MAPT: variants seen among roughly 807,000 people sequenced by gnomAD.
MAPT encodes the protein microtubule-associated protein tau.
A neutral mutation model predicts 67.9 loss-of-function variants in MAPT; 34 were observed. That is an observed-to-expected ratio of 0.50 (90% CI 0.38 to 0.67). MAPT has a LOEUF of 0.67. MAPT is among the 30% of genes least tolerant of loss of function. The pLI, the probability that MAPT is intolerant of heterozygous loss-of-function variation, is 0.00. For missense variants in MAPT, 881 were observed against 1,115.2 expected (o/e 0.79, Z 2.99); for synonymous variants, 456 against 464.5 (o/e 0.98, Z 0.23).
intron 1 of MAPT, among the ~76,000 whole-genome samples, chr17:45,928,425 T>G (rs1403407255): frequency 2.0e-5 from 3 of 152,102 alleles, no homozygotes; most frequent in Non-Finnish European, 4.4e-5. Context: ...CCATCTACAC[T>G]CCTATGACTT....
chr17:45,991,067 G>A (rs2074019509), intron 7 of MAPT, among the ~76,000 whole-genome samples: 1 of 152,216 alleles, frequency 6.6e-6, no homozygotes, highest in Non-Finnish European at 1.5e-5. Context: ...ACCACCATCA[G>A]CCAAATAAAT....
chr17:45,941,704 TG>T (rs1568208093), intron 1 of MAPT, among the ~76,000 whole-genome samples: 1,111 of 62,974 alleles, frequency 0.018, 109 homozygotes, highest in South Asian at 0.058. Context: ...CCTTCCTGCC[TG>T]CCTTCCTTCC....
At chr17:45,966,133 C>G (rs1468181131) in intron 2 of MAPT, among the ~76,000 whole-genome samples, 1 of 152,184 alleles carries the variant, frequency 6.6e-6, no homozygotes, top group Non-Finnish European at 1.5e-5. Flanking sequence ...GGCAGCCTGG[C>G]TTAGAGTCAG....
rs2145306634 is a variant in MAPT, at chr17:45,962,314, T to TC, written c.-17-3dup. ...TCAGAACTTATCCTCTCCTCTTCTT[T>TC]CCCCAGGTGAACTTTGAACCAGGAT... is the stretch of plus-strand genomic sequence containing the variant. On this transcript the variant is annotated splice_region_variant and splice_polypyrimidine_tract_variant and intron_variant, in intron 1 of 12. Transcript: ENST00000262410. The TC allele has an allele frequency of 6.2e-7, 1 of 1,611,118 alleles. No homozygotes were observed. The highest frequency in any genetic ancestry group is 8.5e-7 in the Non-Finnish European group (1 of 1,179,394).
At chr17:45,970,083 C>CCCATCCATCCAT (rs137876410) in intron 2 of MAPT, among the ~76,000 whole-genome samples, 2 of 144,994 alleles carry the variant, frequency 1.4e-5, no homozygotes, top group African/African-American at 5.1e-5. Flanking sequence ...CATCTATCCA[C>CCCATCCATCCAT]CCATCCATCC....
At position 46,024,798 on chromosome 17, in the gene MAPT, C is replaced by T. The variant is rs1370155902; in HGVS notation, c.*627C>T. ...CCACGTGCTGGAGAGTAGACATCCC[C>T]CTCCTTGCCGCTGGGAGAGCCAAGG... is the stretch of plus-strand genomic sequence containing the variant. On this transcript the variant is annotated 3_prime_UTR_variant, in exon 13 of 13. Transcript: ENST00000262410. 1 of 167,694 alleles carries T rather than the reference C, an allele frequency of 6.0e-6. No individual in the cohort carries two copies. Among genetic ancestry groups the T allele is most frequent in the Non-Finnish European group, 1.3e-5 (1 of 76,490 alleles). The allele number at this position is 167,694 out of a possible 1,614,324, so 10.4% of individuals were successfully genotyped here.
Position 45,996,328 on chromosome 17 carries a change from A to C in MAPT, c.1733-71A>C. On this transcript the variant is annotated intron_variant, in intron 8 of 12. Coordinates refer to ENST00000262410, the MANE Select transcript of MAPT (RefSeq NM_001377265.1). The surrounding 1 kb of genome is among the most constrained non-coding windows in gnomAD (Gnocchi z 4.5). ...GAGCCTGGGAATGGACCCACGGGACAGGCAGCCCCCAGGGCCTTTTCTGAC... is the reference window on the plus strand; with the variant it reads ...GAGCCTGGGAATGGACCCACGGGACCGGCAGCCCCCAGGGCCTTTTCTGAC... The C allele has an allele frequency of 6.4e-7, 1 of 1,552,172 alleles. No individual in the cohort carries two copies. Among genetic ancestry groups the C allele is most frequent in the Non-Finnish European group, 8.8e-7 (1 of 1,135,658 alleles).
rs2073117905 is a variant in MAPT at position 45,982,913 on chromosome 17, C to T, written c.334C>T (p.Leu112=). The T allele has an allele frequency of 1.5e-6, 2 of 1,357,030 alleles. No individual in the cohort carries two copies. The highest frequency in any genetic ancestry group is 1.9e-6 in the Non-Finnish European group (2 of 1,056,182). The allele number at this position is 1,357,030 out of a possible 1,614,324, so 84.1% of individuals were successfully genotyped here. Reference sequence around the variant, plus strand: ...GCAGAGGAAGGCGCCTGAAAGGCCCCTGGCCAATGAGATTAGCGCCCACGT... The same window carrying T: ...GCAGAGGAAGGCGCCTGAAAGGCCCTTGGCCAATGAGATTAGCGCCCACGT... ...GRQRKAPERP[L]ANEISAHVQP... The change falls in exon 5 of 13, where the codon CTG becomes TTG. Residue 112 remains leucine, a synonymous_variant. Transcript: ENST00000262410.
chr17:46,014,357 AG>A, intron 11 of MAPT, 33 bp downstream of exon 11: 1 of 1,243,260 alleles, frequency 8.0e-7, no homozygotes, highest in Non-Finnish European at 1.2e-6. Flanking sequence ...TTGGGACGGG[AG>A]GGTGCAGGGG....
intron 9 of MAPT, among the ~76,000 whole-genome samples, chr17:46,000,043 C>T (rs1187995131): frequency 6.6e-6 from 1 of 152,176 alleles, no homozygotes; most frequent in Non-Finnish European, 1.5e-5. Context: ...ACCTTTGGGT[C>T]CCTGTGGCCT....
chr17:45,903,541 C>A (rs1452180367), intron 1 of MAPT, among the ~76,000 whole-genome samples: 1 of 150,534 alleles, frequency 6.6e-6, no homozygotes, highest in East Asian at 2.0e-4. Context: ...TTGTGAAACC[C>A]CGTCTCTACT....
rs57223421 is a variant in MAPT, at chr17:45,956,548, TTATATATATATATATATA to T, written c.-17-5737_-17-5720del. Among the ~76,000 whole-genome samples the T allele has an allele frequency of 3.2e-3, 302 of 95,248 alleles. 3 individuals are homozygous for T. The highest frequency in any genetic ancestry group is 0.011 in the African/African-American group (284 of 25,416). The allele number at this position is 95,248 out of a possible 152,430, so 62.5% of individuals were successfully genotyped here. A position where few individuals can be genotyped will look rare whatever the true frequency, so the allele number is the denominator to read the frequency against. On this transcript the variant is annotated intron_variant, in intron 1 of 12. Transcript: ENST00000262410. ...TCATCTGGAACTCTAGCAGGTTCTT[TTATATATATATATATATA>T]TATATATATATATATATATATATAT...
At chr17:45,961,994 C>T (rs532476978) in intron 1 of MAPT, among the ~76,000 whole-genome samples, 3 of 152,032 alleles carry the variant, frequency 2.0e-5, no homozygotes, top group Non-Finnish European at 2.9e-5. Context: ...AGGCTGGTCT[C>T]GATCCCCTGA....
Position 45,990,027 on chromosome 17 carries a change from T to C in MAPT, c.1557T>C (p.Ser519=), listed in dbSNP as rs367744692. ...EPPSSPKYVS[S]VTSRTGSSGA... Reference sequence around the variant, plus strand: ...CTTCCTCTCCTAAATACGTCTCTTCTGTCACTTCCCGAACTGGCAGTTCTG... The same window carrying C: ...CTTCCTCTCCTAAATACGTCTCTTCCGTCACTTCCCGAACTGGCAGTTCTG... Residue 519 remains serine (S), a synonymous_variant, in exon 7 of 13, where the codon TCT becomes TCC. Transcript: ENST00000262410. The C allele has an allele frequency of 6.2e-7, 1 of 1,614,170 alleles. No homozygotes were observed. Among genetic ancestry groups the C allele is most frequent in the African/African-American group, 1.3e-5 (1 of 75,028 alleles).
chr17:46,019,769 T>C (rs2076405431), intron 12 of MAPT, among the ~76,000 whole-genome samples: 1 of 148,898 alleles, frequency 6.7e-6, no homozygotes, highest in Non-Finnish European at 1.5e-5. Flanking sequence ...CCCAGCACCT[T>C]GGGAGGCGAA....
At chr17:45,963,176 C>T (rs576800269) in intron 2 of MAPT, among the ~76,000 whole-genome samples, 1 of 152,256 alleles carries the variant, frequency 6.6e-6, no homozygotes, top group African/African-American at 2.4e-5. Flanking sequence ...GTTGGTTAGC[C>T]CTGGGATTCT....
At position 46,026,601 on chromosome 17, in the gene MAPT, AG is replaced by A; in HGVS notation, c.*2434del. The A allele has an allele frequency of 6.6e-6, 1 of 152,298 alleles. No individual in the cohort carries two copies. Among genetic ancestry groups the A allele is most frequent in the South Asian group, 2.1e-4 (1 of 4,824 alleles). The allele number at this position is 152,298 out of a possible 1,614,324, so 9.4% of individuals were successfully genotyped here. ...GTTCCTCTCCAAGCTCGCCCTCTGG[AG>A]GGGCAGCGCAGCCTCCCACCAAGGG... On this transcript the variant is annotated 3_prime_UTR_variant, in exon 13 of 13. Transcript: ENST00000262410.
intron 5 of MAPT, among the ~76,000 whole-genome samples, chr17:45,986,113 A>T (rs1371166182): frequency 6.6e-6 from 1 of 152,192 alleles, no homozygotes; most frequent in Non-Finnish European, 1.5e-5. Flanking sequence ...ATGAAGGCTG[A>T]TGTTGTCTGT....
rs930697684 is a variant in MAPT, at chr17:45,970,445, G to T, written c.134-1414G>T. 2.0e-5 allele frequency among the ~76,000 whole-genome samples: 3 copies of T among 152,330 alleles called. No homozygotes were observed. In the South Asian group the frequency reaches 6.2e-4, roughly 32 times the overall value. On this transcript the variant is annotated intron_variant, in intron 2 of 12. Transcript: ENST00000262410. ...GTCCACCCATCATGGTATGAGCCATGATTTACCACGATGGTCCCCTGTGGA... is the reference window on the plus strand; with the variant it reads ...GTCCACCCATCATGGTATGAGCCATTATTTACCACGATGGTCCCCTGTGGA...
Sources: gnomAD v4.1 joint callset for allele counts (sites outside exome capture counted in the v4.1 genomes callset) on GRCh38, gnomAD v4.1.1 for gene constraint, Gnocchi (gnomAD v3.1) non-coding constraint, MANE v1.5 for transcripts, NCBI Gene and HGNC (gene_info 2026-07-23, HGNC 2026-07-21) for gene names.